The following DDX10 variants were observed in gnomAD, a reference collection of about 807,000 sequenced individuals.
DDX10 encodes probable ATP-dependent RNA helicase DDX10.
Under a neutral mutation model 104.3 loss-of-function variants are expected in DDX10, and 74 were observed. The observed-to-expected ratio is 0.71, with a 90% CI of 0.59 to 0.86. DDX10 has a LOEUF of 0.86. Among genes scored for constraint, DDX10 ranks in the 40% least tolerant of loss-of-function variants. The pLI, the probability that DDX10 is intolerant of heterozygous loss-of-function variation, is 0.00. For missense variants in DDX10, 952 were observed against 1,040.0 expected (o/e 0.92, Z 1.16); for synonymous variants, 351 against 353.4 (o/e 0.99, Z 0.08).
At chr11:108,826,743 C>G (rs1343321384) in intron 13 of DDX10, among the ~76,000 whole-genome samples, 3 of 152,142 alleles carry the variant, frequency 2.0e-5, no homozygotes, top group Non-Finnish European at 4.4e-5. Flanking sequence ...CATGCATCTT[C>G]CATTTTGTGT....
chr11:108,851,032 A>G (rs996243011), intron 15 of DDX10, among the ~76,000 whole-genome samples: 2 of 152,196 alleles, frequency 1.3e-5, no homozygotes, highest in Non-Finnish European at 2.9e-5. Context: ...TAAGAAAATA[A>G]CAGTAATGTG....
intron 11 of DDX10, among the ~76,000 whole-genome samples, chr11:108,717,092 T>C (rs547730490): frequency 6.6e-6 from 1 of 152,320 alleles, no homozygotes; most frequent in South Asian, 2.1e-4. Context: ...TACAAGATCT[T>C]TGCATCTCCC....
intron 13 of DDX10, among the ~76,000 whole-genome samples, chr11:108,782,718 A>G (rs1861723453): frequency 6.6e-6 from 1 of 152,096 alleles, no homozygotes; most frequent in Non-Finnish European, 1.5e-5. Flanking sequence ...CAAATGACTA[A>G]CCAGTAGTAA....
chr11:108,779,592 A>G (rs1280666079), intron 13 of DDX10, among the ~76,000 whole-genome samples: 1 of 152,140 alleles, frequency 6.6e-6, no homozygotes, highest in South Asian at 2.1e-4. Flanking sequence ...TAAATGCAGC[A>G]CACCAACGTG....
At chr11:108,795,410 T>C (rs1392364010) in intron 13 of DDX10, among the ~76,000 whole-genome samples, 1 of 151,864 alleles carries the variant, frequency 6.6e-6, no homozygotes, top group South Asian at 2.1e-4. Context: ...TGTACATATG[T>C]ATGCATGTGC....
At chr11:108,739,474 A>G (rs961078315) in intron 13 of DDX10, among the ~76,000 whole-genome samples, 19 of 152,066 alleles carry the variant, frequency 1.2e-4, no homozygotes, top group East Asian at 3.9e-4. Flanking sequence ...TTCCCACTAT[A>G]CTGTATACTT....
intron 16 of DDX10, among the ~76,000 whole-genome samples, chr11:108,902,436 C>A (rs1215492058): frequency 6.6e-6 from 1 of 152,126 alleles, no homozygotes; most frequent in African/African-American, 2.4e-5. Context: ...ACTTTGGAGT[C>A]AAACGTACTG....
intron 13 of DDX10, among the ~76,000 whole-genome samples, chr11:108,771,515 T>C (rs1292952527): frequency 2.6e-5 from 4 of 152,126 alleles, no homozygotes; most frequent in Admixed American, 6.5e-5. Context: ...CAGCTAATTT[T>C]TTTGTATCTT....
At chr11:108,839,637 C>T (rs1339375063) in intron 14 of DDX10, among the ~76,000 whole-genome samples, 4 of 152,114 alleles carry the variant, frequency 2.6e-5, no homozygotes, top group African/African-American at 9.7e-5. Context: ...AGTATGATTC[C>T]TTTTAATTTT....
intron 13 of DDX10, among the ~76,000 whole-genome samples, chr11:108,742,137 A>G (rs1326177672): frequency 2.0e-5 from 3 of 151,674 alleles, no homozygotes; most frequent in Admixed American, 6.6e-5. Flanking sequence ...GTGTGTGCCT[A>G]TAATCTCAGC....
chr11:108,801,707 A>G (rs1862023120), intron 13 of DDX10, among the ~76,000 whole-genome samples: 1 of 152,192 alleles, frequency 6.6e-6, no homozygotes, highest in African/African-American at 2.4e-5. Context: ...AAAACTAGTA[A>G]ATAGTAAAGT....
chr11:108,896,114 T>C (rs914847827), intron 16 of DDX10, among the ~76,000 whole-genome samples: 1 of 152,168 alleles, frequency 6.6e-6, no homozygotes, highest in African/African-American at 2.4e-5. Context: ...GCCGTGACTG[T>C]ATTATCCATC....
At chr11:108,934,855 A>G (rs1211590087) in intron 17 of DDX10, among the ~76,000 whole-genome samples, 2 of 152,226 alleles carry the variant, frequency 1.3e-5, no homozygotes, top group Non-Finnish European at 2.9e-5. Context: ...AGGATTAGTC[A>G]GCAGACAGGA....
In DDX10 at chr11:108,723,420, T is replaced by G. The variant is rs751874033; in HGVS notation, c.1923T>G (p.His641Gln). 1 of 1,613,730 alleles carries G rather than the reference T, an allele frequency of 6.2e-7. No individual in the cohort carries two copies. The highest frequency in any genetic ancestry group is 1.3e-5 in the African/African-American group (1 of 75,040). ...EDADFLKVKR[H>Q]NVFGLDLKDE... is the part of the protein sequence containing the mutation. Reference sequence around the variant, plus strand: ...CTGATTTCTTGAAGGTGAAGCGGCATAATGTGTTTGGATTGGACCTTAAAG... The same window carrying G: ...CTGATTTCTTGAAGGTGAAGCGGCAGAATGTGTTTGGATTGGACCTTAAAG... The change falls in exon 13 of 18, where the codon CAT becomes CAG. Residue 641 changes from histidine to glutamine, a missense_variant. His to Gln is a conservative substitution (Grantham distance 24). This residue lies in a region of DDX10 where 533 missense variants were observed against 534.1 expected (regional missense o/e 1.00). Coordinates refer to ENST00000322536, the MANE Select transcript of DDX10 (RefSeq NM_004398.4).
chr11:108,719,983 G>C (rs2094296292), intron 12 of DDX10, 98 bp downstream of exon 12: 2 of 782,608 alleles, frequency 2.6e-6, no homozygotes, highest in East Asian at 5.4e-5. Context: ...TGCCCAGGCT[G>C]TCTCAAACCC....
chr11:108,765,608 G>C (rs192305417), intron 13 of DDX10, among the ~76,000 whole-genome samples: 396 of 152,302 alleles, frequency 2.6e-3, no homozygotes, highest in African/African-American at 8.8e-3. Context: ...TCAAGAGTTA[G>C]CCTGTATTTA....
chr11:108,712,285 A>G (rs2094285417), intron 10 of DDX10, among the ~76,000 whole-genome samples: 2 of 152,130 alleles, frequency 1.3e-5, no homozygotes, highest in Admixed American at 6.5e-5. Flanking sequence ...CATTTAGGCT[A>G]TTGATGTTGA....
intron 16 of DDX10, among the ~76,000 whole-genome samples, chr11:108,912,175 G>C (rs1863689122): frequency 6.6e-6 from 1 of 152,140 alleles, no homozygotes; most frequent in Non-Finnish European, 1.5e-5. Flanking sequence ...CCTGTTTACT[G>C]ATTTGTAGAT....
chr11:108,686,954 T>G (rs982597988), intron 6 of DDX10, among the ~76,000 whole-genome samples: 2 of 151,974 alleles, frequency 1.3e-5, no homozygotes, highest in Non-Finnish European at 2.9e-5. Flanking sequence ...CCGGCTACTT[T>G]TTTTGTACTT....
Sources: allele counts gnomAD v4.1 joint callset (sites outside exome capture counted in the v4.1 genomes callset), GRCh38; gene constraint gnomAD v4.1.1; regional missense constraint gnomAD v4.1.1; transcripts MANE v1.5; gene names NCBI Gene and HGNC (gene_info 2026-07-23, HGNC 2026-07-21).